The following NACA variants were observed in gnomAD, a reference collection of about 807,000 sequenced individuals.
NACA encodes nascent polypeptide-associated complex subunit alpha.
NACA carries 42 observed loss-of-function variants against 86.4 expected under a neutral mutation model. The observed-to-expected ratio is 0.49, with a 90% confidence interval of 0.38 to 0.63. NACA has a LOEUF of 0.63. Ranked by LOEUF, NACA falls within the 20% of genes least tolerant of loss-of-function variation. The pLI is 0.00. For synonymous variants in NACA, 898 were observed against 973.7 expected (o/e 0.92, Z 1.45); for missense variants, 2,157 against 2,483.6 (o/e 0.87, Z 2.80).
rs777134528 is a variant in NACA at position 56,724,512 on chromosome 12, C to T, written c.10G>A (p.Glu4Lys). The change falls in exon 2 of 9, where the codon GAA becomes AAA. Residue 4 changes from glutamate to lysine, a missense_variant. Around this residue, in one of 8 missense-constraint regions of NACA, gnomAD observed 947 missense variants for 917.9 expected, o/e 1.03. Coordinates refer to ENST00000454682, the MANE Select transcript of NACA (RefSeq NM_001365896.1). MPGEATETVPATEQ... is the reference protein window; with the variant it reads MPGKATETVPATEQ... ...GTAGCAGGGACGGTTTCTGTGGCTT[C>T]GCCGGGCATTTCTGAAGGAAGGGAA... 16 of 1,612,130 alleles carry T rather than the reference C, an allele frequency of 9.9e-6. No homozygotes were observed. The highest frequency in any genetic ancestry group is 7.6e-6 in the Non-Finnish European group (9 of 1,179,308).
chr12:56,713,910 C>T lies in NACA; in HGVS notation c.5824-227G>A, dbSNP rs1953281031. The T allele has an allele frequency of 1.2e-5, 6 of 495,186 alleles. 1 individual carries two copies. Among genetic ancestry groups the T allele is most frequent in the South Asian group, 1.0e-4 (4 of 39,260 alleles). 30.7% of individuals were successfully genotyped at this position (495,186 alleles called of 1,614,324 possible). ...AGGCTGGAGTGCAGTGGTGCAATCT[C>T]GGCTCAATGTAATGTCCGTCTCCCA... On this transcript the variant is annotated intron_variant, in intron 5 of 8. Transcript: ENST00000454682.
In NACA at chr12:56,716,356, C is replaced by A. The variant is rs1322945728; in HGVS notation, c.5174G>T (p.Gly1725Val). 6.2e-7 allele frequency: 1 copy of A among 1,611,964 alleles called. No individual in the cohort carries two copies. Among genetic ancestry groups the A allele is most frequent in the Admixed American group, 1.7e-5 (1 of 59,964 alleles). ...CACTGTGGAAAGGGGTCCTTTAGAACCATTCTTAGCTGAGGGATCTGGGCA... is the reference window on the plus strand; with the variant it reads ...CACTGTGGAAAGGGGTCCTTTAGAAACATTCTTAGCTGAGGGATCTGGGCA... ...PICPDPSAKN[G>V]SKGPLSTVAP... Residue 1725 changes from glycine to valine, a missense_variant, in exon 3 of 9, where the codon GGT becomes GTT. Transcript: ENST00000454682.
chr12:56,718,883 T>TG lies in NACA; in HGVS notation c.2646dup (p.Lys883GlnfsTer46), dbSNP rs756524132. 4.0e-5 allele frequency: 56 copies of TG among 1,384,928 alleles called. No homozygotes were observed. Among genetic ancestry groups the TG allele is most frequent in the Non-Finnish European group, 4.8e-5 (50 of 1,041,870 alleles). The allele number at this position is 1,384,928 out of a possible 1,614,324, so 85.8% of individuals were successfully genotyped here. ...ACCACTGAAGGAGTGGGGGTCTCTT[T>TG]GGGGGGTAGTGTTACTCCTTTGGGA... On this transcript the variant is annotated frameshift_variant, in exon 3 of 9. Transcript: ENST00000454682. LOFTEE classifies it high-confidence loss of function.
rs529929746 is a variant in NACA at position 56,724,775 on chromosome 12, C to A, written c.-2-252G>T. 2.1e-3 allele frequency: 1,046 copies of A among 498,822 alleles called. 13 individuals are homozygous for A. Among genetic ancestry groups the A allele is most frequent in the Middle Eastern group, 5.5e-4 (1 of 1,828 alleles). 30.9% of individuals were successfully genotyped at this position (498,822 alleles called of 1,614,324 possible). ...AGAGGATCCCGGGCTGGCTCTCGATCATGGGAGACTTCAGACGCTACTGTG... is the reference window on the plus strand; with the variant it reads ...AGAGGATCCCGGGCTGGCTCTCGATAATGGGAGACTTCAGACGCTACTGTG... On this transcript the variant is annotated intron_variant, in intron 1 of 8. Transcript: ENST00000454682.
Position 56,719,229 on chromosome 12 carries a change from G to A in NACA, c.2301C>T (p.Pro767=). The change falls in exon 3 of 9, where the codon CCC becomes CCT. Residue 767 remains proline (P), a synonymous_variant. Coordinates refer to ENST00000454682, the MANE Select transcript of NACA (RefSeq NM_001365896.1). ...TSALAPVASS[P]KECPTEDSGA... ...CAGAGTCCTCAGTTGGGCACTCTTTGGGAGAGGAAGCAACAGGTGCCAATG... is the reference window on the plus strand; with the variant it reads ...CAGAGTCCTCAGTTGGGCACTCTTTAGGAGAGGAAGCAACAGGTGCCAATG... 6.6e-7 allele frequency: 1 copy of A among 1,510,084 alleles called. No homozygotes were observed. 93.5% of individuals were successfully genotyped at this position (1,510,084 alleles called of 1,614,324 possible). A position where few individuals can be genotyped will look rare whatever the true frequency, so the allele number is the denominator to read the frequency against.
At position 56,719,323 on chromosome 12, in the gene NACA, G is replaced by T. The variant is rs1953502349; in HGVS notation, c.2207C>A (p.Ser736Ter). ...LAPEIPKSVP[S>*]PSLPPAGTPP... ...AGTCCCAGCTGGGGGAAGAGAGGGT[G>T]AGGGCACAGACTTTGGGATTTCAGG... is the stretch of plus-strand genomic sequence containing the variant. The change falls in exon 3 of 9, where the codon TCA (serine) becomes TAA (stop). Residue 736 changes from serine to a stop codon, truncating the protein, a stop_gained. Coordinates refer to ENST00000454682, the MANE Select transcript of NACA (RefSeq NM_001365896.1). LOFTEE classifies it high-confidence loss of function. 6.2e-7 allele frequency: 1 copy of T among 1,605,622 alleles called. No homozygotes were observed. The highest frequency in any genetic ancestry group is 1.1e-5 in the South Asian group (1 of 90,010).
Position 56,721,452 on chromosome 12 carries a change from T to G in NACA, c.78A>C (p.Leu26=). ...LPQPQAETAV[L]PMSSALSVTA... is the part of the protein sequence containing the mutation. ...TGACACTCAAGGCTGAAGACATAGG[T>G]AGCACAGCTGGAGAAAGGCAAAAGG... The change falls in exon 3 of 9, where the codon CTA becomes CTC. Residue 26 remains leucine (L), a synonymous_variant. Transcript: ENST00000454682. The G allele has an allele frequency of 2.0e-6, 3 of 1,482,222 alleles. No homozygotes were observed. The highest frequency in any genetic ancestry group is 1.8e-6 in the Non-Finnish European group (2 of 1,122,052). 91.8% of individuals were successfully genotyped at this position (1,482,222 alleles called of 1,614,324 possible).
intron 3 of NACA, 129 bp from the exon 4 acceptor site, chr12:56,714,816 G>A (rs1953308314): frequency 1.2e-6 from 1 of 833,410 alleles, no homozygotes; most frequent in Admixed American, 2.3e-5. Flanking sequence ...TAAACCAACT[G>A]GCTTGTGTGA....
intron 2 of NACA, among the ~76,000 whole-genome samples, chr12:56,723,083 T>C (rs1953617372): frequency 6.6e-6 from 1 of 152,172 alleles, no homozygotes; most frequent in African/African-American, 2.4e-5. Flanking sequence ...ATTAAAAACA[T>C]GGAATATGTT....
At position 56,719,162 on chromosome 12, in the gene NACA, G is replaced by A. The variant is rs1486363307; in HGVS notation, c.2368C>T (p.Leu790=). ...TASSKGTLTY[L]ADSPSPLGVS... ...CCTAAAGGAGATGGGGAATCAGCTAGGTAAGTCAGAGTTCCTTTGGAAGAT... is the reference window on the plus strand; with the variant it reads ...CCTAAAGGAGATGGGGAATCAGCTAAGTAAGTCAGAGTTCCTTTGGAAGAT... Residue 790 remains leucine (L), a synonymous_variant, in exon 3 of 9, where the codon CTA becomes TTA. Coordinates refer to ENST00000454682, the MANE Select transcript of NACA (RefSeq NM_001365896.1). The A allele has an allele frequency of 2.7e-6, 4 of 1,465,976 alleles. No homozygotes were observed. The highest frequency in any genetic ancestry group is 3.7e-6 in the Non-Finnish European group (4 of 1,084,310). 90.8% of individuals were successfully genotyped at this position (1,465,976 alleles called of 1,614,324 possible). A position where few individuals can be genotyped will look rare whatever the true frequency, so the allele number is the denominator to read the frequency against.
intron 2 of NACA, among the ~76,000 whole-genome samples, chr12:56,723,859 T>C (rs770216173): frequency 1.3e-5 from 2 of 152,156 alleles, no homozygotes; most frequent in Non-Finnish European, 2.9e-5. Context: ...ACGCTGAGGA[T>C]AAAAGGATTT....
Position 56,717,017 on chromosome 12 carries a change from G to A in NACA, c.4513C>T (p.Leu1505=). ...ATPAPMGAPT[L]PAVIPSSPKE... ...GGGGAAGAAGGAATCACAGCTGGCAGAGTGGGGGCCCCCATGGGGGCTGGA... is the reference window on the plus strand; with the variant it reads ...GGGGAAGAAGGAATCACAGCTGGCAAAGTGGGGGCCCCCATGGGGGCTGGA... Residue 1505 remains leucine (L), a synonymous_variant, in exon 3 of 9, where the codon CTG becomes TTG. Transcript: ENST00000454682. 1 of 1,270,648 alleles carries A rather than the reference G, an allele frequency of 7.9e-7. No individual in the cohort carries two copies. Among genetic ancestry groups the A allele is most frequent in the South Asian group, 1.7e-5 (1 of 58,324 alleles). 78.7% of individuals were successfully genotyped at this position (1,270,648 alleles called of 1,614,324 possible). A position where few individuals can be genotyped will look rare whatever the true frequency, so the allele number is the denominator to read the frequency against.
At position 56,718,937 on chromosome 12, in the gene NACA, G is replaced by A. The variant is rs1226757912; in HGVS notation, c.2593C>T (p.Pro865Ser). The A allele has an allele frequency of 6.9e-7, 1 of 1,444,298 alleles. No homozygotes were observed. Among genetic ancestry groups the A allele is most frequent in the African/African-American group, 1.4e-5 (1 of 71,272 alleles). The allele number at this position is 1,444,298 out of a possible 1,614,324, so 89.5% of individuals were successfully genotyped here. ...AGAGGAGTCACAGCTGAGGGAGTAG[G>A]GGCCCCTTTGGGGGATGGAGGAGTG... ...SPTPPSPKGAPTPSAVTPLSP... is the reference protein window; with the variant it reads ...SPTPPSPKGASTPSAVTPLSP... The change falls in exon 3 of 9, where the codon CCT becomes TCT. Residue 865 changes from proline (P) to serine (S), a missense_variant. Coordinates refer to ENST00000454682, the MANE Select transcript of NACA (RefSeq NM_001365896.1).
At position 56,719,640 on chromosome 12, in the gene NACA, G is replaced by T. The variant is rs760049851; in HGVS notation, c.1890C>A (p.Asp630Glu). Residue 630 changes from aspartate to glutamate, a missense_variant, in exon 3 of 9, where the codon GAC becomes GAA. Transcript: ENST00000454682. Reference sequence around the variant, plus strand: ...AACTTTTGAGAAGCGGACCAGCAGAGTCTGGGCCTGCATAAGAATCTGTCT... The same window carrying T: ...AACTTTTGAGAAGCGGACCAGCAGATTCTGGGCCTGCATAAGAATCTGTCT... Reference protein sequence around the residue: ...VIKTDSYAGPDSAGPLLKSSL... With the variant: ...VIKTDSYAGPESAGPLLKSSL... 3 of 1,613,734 alleles carry T rather than the reference G, an allele frequency of 1.9e-6. No homozygotes were observed. The African/African-American group carries it at 4.0e-5, about 22-fold the overall frequency.
chr12:56,721,457 C>T lies in NACA; in HGVS notation c.73G>A (p.Val25Met). ...CTCAAGGCTGAAGACATAGGTAGCA[C>T]AGCTGGAGAAAGGCAAAAGGAGATA... ...ELPQPQAETAVLPMSSALSVT... is the reference protein window; with the variant it reads ...ELPQPQAETAMLPMSSALSVT... Residue 25 changes from valine to methionine, a missense_variant and splice_region_variant, in exon 3 of 9, where the codon GTG (valine) becomes ATG (methionine). Around this residue, in one of 8 missense-constraint regions of NACA, gnomAD observed 947 missense variants for 917.9 expected, o/e 1.03. Coordinates refer to ENST00000454682, the MANE Select transcript of NACA (RefSeq NM_001365896.1). 1 of 1,479,654 alleles carries T rather than the reference C, an allele frequency of 6.8e-7. No homozygotes were observed. Among genetic ancestry groups the T allele is most frequent in the Non-Finnish European group, 8.9e-7 (1 of 1,119,334 alleles). The allele number at this position is 1,479,654 out of a possible 1,614,324, so 91.7% of individuals were successfully genotyped here.
In NACA at chr12:56,720,473, G is replaced by C. The variant is rs1340824610; in HGVS notation, c.1057C>G (p.Gln353Glu). The C allele has an allele frequency of 6.2e-7, 1 of 1,613,614 alleles. No individual in the cohort carries two copies. The highest frequency in any genetic ancestry group is 8.5e-7 in the Non-Finnish European group (1 of 1,179,746). ...GGAAGGGGAGGAATTACAGATCTCT[G>C]AGAAGGATAAGAGGCCCCTGTGGAA... is the stretch of plus-strand genomic sequence containing the variant. ...HSSTGASYPS[Q>E]RSVIPPLPSR... Residue 353 changes from glutamine to glutamate, a missense_variant, in exon 3 of 9, where the codon CAG (glutamine) becomes GAG (glutamate). Around this residue, in one of 8 missense-constraint regions of NACA, gnomAD observed 947 missense variants for 917.9 expected, o/e 1.03. Coordinates refer to ENST00000454682, the MANE Select transcript of NACA (RefSeq NM_001365896.1).
chr12:56,713,323 T>C (rs1953265452), intron 6 of NACA, 133 bp from the exon 7 acceptor site: 12 of 1,276,624 alleles, frequency 9.4e-6, no homozygotes, highest in Non-Finnish European at 1.3e-5. Context: ...GCCCTCACAG[T>C]AGAAAGAGTA....
In NACA at chr12:56,715,947, G is replaced by A. The variant is rs1263571163; in HGVS notation, c.5583C>T (p.Asn1861=). Residue 1861 remains asparagine, a synonymous_variant, in exon 3 of 9, where the codon AAC becomes AAT. Coordinates refer to ENST00000454682, the MANE Select transcript of NACA (RefSeq NM_001365896.1). ...GGVPFQSVLV[N]MPTPKSAGIP... ...TTCCAGCAGATTTAGGGGTGGGCATGTTGACGAGGACCGACTGGAAAGGCA... is the reference window on the plus strand; with the variant it reads ...TTCCAGCAGATTTAGGGGTGGGCATATTGACGAGGACCGACTGGAAAGGCA... The A allele has an allele frequency of 6.5e-7, 1 of 1,535,506 alleles. No individual in the cohort carries two copies.
At chr12:56,723,894 T>C (rs1357063802) in intron 2 of NACA, among the ~76,000 whole-genome samples, 1 of 151,600 alleles carries the variant, frequency 6.6e-6, no homozygotes, top group Non-Finnish European at 1.5e-5. Context: ...TTTCACACAA[T>C]GATGCAGGAA....
Sources: allele counts gnomAD v4.1 joint callset (sites outside exome capture counted in the v4.1 genomes callset), GRCh38; gene constraint gnomAD v4.1.1; regional missense constraint gnomAD v4.1.1; transcripts MANE v1.5; gene names NCBI Gene and HGNC (gene_info 2026-07-23, HGNC 2026-07-21).